KCNMB3: variants seen among roughly 807,000 people sequenced by gnomAD.
KCNMB3 encodes the protein calcium-activated potassium channel subunit beta-3.
A neutral mutation model predicts 11.9 loss-of-function variants in KCNMB3; 18 were observed. The ratio of observed to expected loss-of-function variants is 1.51; its 90% CI spans 1.04 to 2.23. KCNMB3 has a LOEUF of 2.23. Ranked by LOEUF, KCNMB3 falls within the 30% of genes most tolerant of loss-of-function variation. The pLI is 0.00. For synonymous variants in KCNMB3, 78 were observed against 119.2 expected (o/e 0.65, Z 2.25); for missense variants, 247 against 329.4 (o/e 0.75, Z 1.94).
At chr3:179,257,144 T>C (rs945713838) in intron 1 of KCNMB3, among the ~76,000 whole-genome samples, 3 of 152,202 alleles carry the variant, frequency 2.0e-5, no homozygotes, top group Non-Finnish European at 2.9e-5. Flanking sequence ...GCCTCAGTGA[T>C]AGGTGAGACC....
At chr3:179,259,731 T>G in intron 1 of KCNMB3, 1 of 1,593,978 alleles carries the variant, frequency 6.3e-7, no homozygotes, top group Non-Finnish European at 8.5e-7. Flanking sequence ...TTTCTTTTTC[T>G]TGTTCTTTCT....
downstream of KCNMB3, chr3:179,241,135 C>A (rs1251904464): frequency 2.0e-5 from 3 of 152,016 alleles, no homozygotes; most frequent in South Asian, 4.1e-4. Flanking sequence ...AATGTTATAA[C>A]CTAGCAGATT....
chr3:179,250,967 G>C lies in KCNMB3; in HGVS notation c.24C>G (p.Leu8=). The change falls in exon 1 of 3, where the codon CTC becomes CTG. Residue 8 remains leucine (L), a synonymous_variant. Transcript: ENST00000392685. MFPLLYE[L]TAVSPSPFPQ... is the part of the protein sequence containing the mutation. ...GAAAGGGAGAAGGAGATACTGCAGT[G>C]AGCTCATAAAGAAGGGGGAACATTT... 1 of 1,614,160 alleles carries C rather than the reference G, an allele frequency of 6.2e-7. No individual in the cohort carries two copies. Among genetic ancestry groups the C allele is most frequent in the Non-Finnish European group, 8.5e-7 (1 of 1,180,026 alleles).
chr3:179,245,742 T>C (rs946858207), intron 1 of KCNMB3, among the ~76,000 whole-genome samples: 2 of 152,128 alleles, frequency 1.3e-5, no homozygotes, highest in Non-Finnish European at 2.9e-5. Flanking sequence ...CTCGTCATCC[T>C]CCCACCTTGG....
chr3:179,260,342 A>AT lies in KCNMB3; in HGVS notation c.62+6306dup, dbSNP rs1368431535. The AT allele has an allele frequency of 9.3e-6, 15 of 1,613,914 alleles. No individual in the cohort carries two copies. In the Middle Eastern group the frequency reaches 4.9e-4, roughly 53 times the overall value. On this transcript the variant is annotated intron_variant, in intron 1 of 3. Coordinates refer to the KCNMB3 transcript ENST00000349697. ...GAATTTGGCTTTGAACCTGTTCCTCATAGGTAGCACCTGCTAAGGTTCCTA... is the reference window on the plus strand; with the variant it reads ...GAATTTGGCTTTGAACCTGTTCCTCATTAGGTAGCACCTGCTAAGGTTCCTA...
chr3:179,246,708 T>C (rs890137095), intron 1 of KCNMB3, among the ~76,000 whole-genome samples: 1 of 152,348 alleles, frequency 6.6e-6, no homozygotes, highest in East Asian at 1.9e-4. Flanking sequence ...CTAGGCATCT[T>C]GAAATAATAA....
At chr3:179,256,020 T>C (rs1576961388), upstream of KCNMB3, among the ~76,000 whole-genome samples, 1 of 152,206 alleles carries the variant, frequency 6.6e-6, no homozygotes, top group Non-Finnish European at 1.5e-5. Context: ...TTGTCCTTGA[T>C]AGACCCTCAC....
At chr3:179,247,621 G>A (rs1176808444) in intron 1 of KCNMB3, among the ~76,000 whole-genome samples, 1 of 152,120 alleles carries the variant, frequency 6.6e-6, no homozygotes, top group East Asian at 1.9e-4. Flanking sequence ...AAGCAATGAA[G>A]GAAACACAAC....
intron 1 of KCNMB3, among the ~76,000 whole-genome samples, chr3:179,249,082 G>A (rs1001583085): frequency 4.3e-4 from 60 of 140,594 alleles, no homozygotes; most frequent in African/African-American, 1.4e-3. Context: ...GCGCAATCTC[G>A]GCTCACTGCA....
chr3:179,263,838 C>T (rs1726300217), intron 1 of KCNMB3, among the ~76,000 whole-genome samples: 1 of 108,568 alleles, frequency 9.2e-6, no homozygotes, highest in Non-Finnish European at 1.7e-5. Flanking sequence ...TGGAGTCTCA[C>T]TCTGTCATCC....
rs754971344 is a variant in KCNMB3, at chr3:179,251,093, G to C, written c.-103C>G. Reference sequence around the variant, plus strand: ...ATGAAATCCCAGTTCAGAGCTTGGTGAAAAGTCCATCTAAATAAGCTAAAG... The same window carrying C: ...ATGAAATCCCAGTTCAGAGCTTGGTCAAAAGTCCATCTAAATAAGCTAAAG... On this transcript the variant is annotated 5_prime_UTR_variant, in exon 1 of 3. The change creates a premature stop within an existing upstream ORF in the 5' untranslated region. Coordinates refer to ENST00000392685, the MANE Select transcript of KCNMB3 (RefSeq NM_171830.2). 1 of 1,614,192 alleles carries C rather than the reference G, an allele frequency of 6.2e-7. No individual in the cohort carries two copies. The highest frequency in any genetic ancestry group is 8.5e-7 in the Non-Finnish European group (1 of 1,180,018).
upstream of KCNMB3, among the ~76,000 whole-genome samples, chr3:179,254,519 G>T (rs1204648842): frequency 6.6e-6 from 1 of 152,074 alleles, no homozygotes; most frequent in African/African-American, 2.4e-5. Flanking sequence ...GGCCTTAAAA[G>T]AATTCTATAG....
intron 1 of KCNMB3, chr3:179,259,432 C>T: frequency 6.2e-7 from 1 of 1,610,332 alleles, no homozygotes; most frequent in Non-Finnish European, 8.5e-7. Flanking sequence ...TCTCTACCAG[C>T]TAGTACCTCC....
At chr3:179,240,587 T>G (rs968280126), downstream of KCNMB3, 4 of 152,192 alleles carry the variant, frequency 2.6e-5, no homozygotes, top group Non-Finnish European at 4.4e-5. Flanking sequence ...CAACTTAGTA[T>G]TTCTGAGCAA....
At chr3:179,263,193 G>A (rs948450574) in intron 1 of KCNMB3, among the ~76,000 whole-genome samples, 2 of 152,250 alleles carry the variant, frequency 1.3e-5, no homozygotes, top group African/African-American at 4.8e-5. Flanking sequence ...CCCAAGCCCT[G>A]CCCCGCGGGG....
chr3:179,246,159 C>G, intron 1 of KCNMB3, among the ~76,000 whole-genome samples: 1 of 137,428 alleles, frequency 7.3e-6, no homozygotes, highest in African/African-American at 2.7e-5. Context: ...TGCCTATAAT[C>G]CCAGCACTTT....
intron 1 of KCNMB3, among the ~76,000 whole-genome samples, chr3:179,245,788 G>A (rs551971527): frequency 1.1e-4 from 16 of 152,106 alleles, no homozygotes; most frequent in East Asian, 3.9e-4. Flanking sequence ...CGTGAGCCAC[G>A]GCTCCTGGTC....
At chr3:179,249,685 G>A (rs534408468) in intron 1 of KCNMB3, among the ~76,000 whole-genome samples, 1 of 152,234 alleles carries the variant, frequency 6.6e-6, no homozygotes, top group South Asian at 2.1e-4. Flanking sequence ...AAAAAGAAAA[G>A]GAAAGAAAAT....
intron 1 of KCNMB3, chr3:179,259,631 A>C (rs1272727679): frequency 1.9e-5 from 31 of 1,608,682 alleles, no homozygotes; most frequent in Non-Finnish European, 2.5e-5. Context: ...CTTCTTCCTT[A>C]ATTTCACTTA....
Sources: gnomAD v4.1 joint callset for allele counts (sites outside exome capture counted in the v4.1 genomes callset) on GRCh38, gnomAD v4.1.1 for gene constraint, MANE v1.5 for transcripts, NCBI Gene and HGNC (gene_info 2026-07-23, HGNC 2026-07-21) for gene names.